LRP6: variants seen among roughly 807,000 people sequenced by gnomAD.
The protein encoded by LRP6 is low-density lipoprotein receptor-related protein 6.
A neutral mutation model predicts 184.1 loss-of-function variants in LRP6; 43 were observed. The ratio of observed to expected loss-of-function variants is 0.23; its 90% CI spans 0.18 to 0.30. The LOEUF is 0.30. Ranked by LOEUF, LRP6 falls within the 10% of genes least tolerant of loss-of-function variation. The pLI is 1.00. For missense variants in LRP6, 1,571 were observed against 2,005.3 expected, an observed-to-expected ratio of 0.78 and a Z score of 4.14; for synonymous variants, 719 against 684.9, an observed-to-expected ratio of 1.05 and a Z score of -0.78.
Position 12,148,984 on chromosome 12 carries a change from T to C in LRP6, c.3164A>G (p.Glu1055Gly). 6.2e-7 allele frequency: 1 copy of C among 1,613,932 alleles called. No individual in the cohort carries two copies. The highest frequency in any genetic ancestry group is 8.5e-7 in the Non-Finnish European group (1 of 1,179,972). Residue 1055 changes from glutamate to glycine, a missense_variant, in exon 14 of 23, where the codon GAG (glutamate) becomes GGG (glycine). Coordinates refer to ENST00000261349, the MANE Select transcript of LRP6 (RefSeq NM_002336.3). The stretch of plus-strand genomic sequence containing the variant: ...CACAACGGCTCGAGGTCTGTCCTGC[T>C]CGCCTTTCAGCACCACTCCAACTGA... Reference protein sequence around the residue: ...GRSVGVVLKGEQDRPRAVVVN... With the variant: ...GRSVGVVLKGGQDRPRAVVVN...
Position 12,164,309 on chromosome 12 carries a change from T to C in LRP6, c.2016A>G (p.Thr672=). 6.2e-7 allele frequency: 1 copy of C among 1,614,132 alleles called. No homozygotes were observed. The highest frequency in any genetic ancestry group is 8.5e-7 in the Non-Finnish European group (1 of 1,180,004). ...KEASALDFDV[T]DNRIYWTDIS... Reference sequence around the variant, plus strand: ...TATCAGTCCAATAAATTCGGTTGTCTGTCACATCAAAATCCAAAGCAGAAG... The same window carrying C: ...TATCAGTCCAATAAATTCGGTTGTCCGTCACATCAAAATCCAAAGCAGAAG... The change falls in exon 9 of 23, where the codon ACA becomes ACG. Residue 672 remains threonine, a synonymous_variant. Coordinates refer to ENST00000261349, the MANE Select transcript of LRP6 (RefSeq NM_002336.3).
chr12:12,192,971 G>A (rs1385401529), intron 3 of LRP6, among the ~76,000 whole-genome samples: 1 of 151,998 alleles, frequency 6.6e-6, no homozygotes, highest in African/African-American at 2.4e-5. Context: ...GACACCACAT[G>A]CTAGGAGACA....
chr12:12,212,416 T>C (rs1864236327), intron 2 of LRP6, among the ~76,000 whole-genome samples: 1 of 152,232 alleles, frequency 6.6e-6, no homozygotes, highest in South Asian at 2.1e-4. Flanking sequence ...GCCTGTCACA[T>C]AATATTTCTA....
chr12:12,122,809 G>A (rs1949622695), intron 22 of LRP6, among the ~76,000 whole-genome samples: 1 of 151,976 alleles, frequency 6.6e-6, no homozygotes, highest in African/African-American at 2.4e-5. Flanking sequence ...TCCAGCCTGG[G>A]TGACAGAGCA....
intron 4 of LRP6, among the ~76,000 whole-genome samples, chr12:12,184,341 GA>G (rs1409611205): frequency 6.6e-6 from 1 of 152,022 alleles, no homozygotes; most frequent in African/African-American, 2.4e-5. Context: ...TGCCCTAAAA[GA>G]GGTTACAATT....
chr12:12,229,564 T>C (rs765085042), intron 2 of LRP6, among the ~76,000 whole-genome samples: 63 of 152,320 alleles, frequency 4.1e-4, no homozygotes, highest in Non-Finnish European at 1.8e-4. Flanking sequence ...TGTTTTGTTT[T>C]TGTATTTAAT....
chr12:12,231,347 G>C (rs1864783409), intron 2 of LRP6, among the ~76,000 whole-genome samples: 1 of 152,110 alleles, frequency 6.6e-6, no homozygotes, highest in Non-Finnish European at 1.5e-5. Flanking sequence ...CCTGCACAAA[G>C]CATGGACTCT....
At chr12:12,136,172 G>T (rs1158687598) in intron 16 of LRP6, among the ~76,000 whole-genome samples, 1 of 152,018 alleles carries the variant, frequency 6.6e-6, no homozygotes, top group South Asian at 2.1e-4. Flanking sequence ...GGGCGGCAGA[G>T]CAAGACTCCA....
Position 12,120,813 on chromosome 12 carries a change from C to T in LRP6, c.*313G>A. ...GTGATGCCTTTATTATTCCTGTTTC[C>T]TTTGTACTCAGTTGCTTCACTGGGT... On this transcript the variant is annotated 3_prime_UTR_variant, in exon 23 of 23. Transcript: ENST00000261349. The T allele has an allele frequency of 5.1e-6, 1 of 197,606 alleles. No homozygotes were observed. The highest frequency in any genetic ancestry group is 1.0e-5 in the Non-Finnish European group (1 of 97,742). 12.2% of individuals were successfully genotyped at this position (197,606 alleles called of 1,614,324 possible).
At chr12:12,170,556 G>A (rs1038960190) in intron 7 of LRP6, among the ~76,000 whole-genome samples, 2 of 151,780 alleles carry the variant, frequency 1.3e-5, no homozygotes, top group African/African-American at 2.4e-5. Context: ...GTAATTAGTG[G>A]CTACATATTG....
chr12:12,209,701 A>C (rs1414898029), intron 2 of LRP6, among the ~76,000 whole-genome samples: 1 of 152,232 alleles, frequency 6.6e-6, no homozygotes, highest in Non-Finnish European at 1.5e-5. Context: ...AGTTACCAAT[A>C]TATTATTCAA....
At chr12:12,169,121 T>C (rs1478294171) in intron 7 of LRP6, among the ~76,000 whole-genome samples, 2 of 151,744 alleles carry the variant, frequency 1.3e-5, no homozygotes, top group Non-Finnish European at 2.9e-5. Flanking sequence ...CCCAGCTACT[T>C]GGGAGGGTGA....
Position 12,159,832 on chromosome 12 carries a change from C to T in LRP6, c.2412G>A (p.Arg804=), listed in dbSNP as rs1862696828. Residue 804 remains arginine, a synonymous_variant, in exon 11 of 23, where the codon AGG becomes AGA. Coordinates refer to ENST00000261349, the MANE Select transcript of LRP6 (RefSeq NM_002336.3). The stretch of plus-strand genomic sequence containing the variant: ...TGGTGTCCAGGTCTGTCCAATAAAG[C>T]CTCCTTTTAGCATAATCAATAGTTA... ...NGLTIDYAKR[R]LYWTDLDTNL... The T allele has an allele frequency of 1.2e-6, 2 of 1,614,084 alleles. No individual in the cohort carries two copies. Among genetic ancestry groups the T allele is most frequent in the South Asian group, 2.2e-5 (2 of 91,080 alleles).
chr12:12,233,233 C>A (rs1864837871), intron 2 of LRP6, among the ~76,000 whole-genome samples: 1 of 152,028 alleles, frequency 6.6e-6, no homozygotes. Context: ...TTTGGGAAGC[C>A]AAGGTGGGTG....
At chr12:12,137,714 T>C (rs995464718) in intron 16 of LRP6, among the ~76,000 whole-genome samples, 8 of 152,138 alleles carry the variant, frequency 5.3e-5, no homozygotes, top group Admixed American at 5.2e-4. Flanking sequence ...CCAAAGGAAC[T>C]GAAGGAGAGA....
At chr12:12,221,478 A>C (rs1279512591) in intron 2 of LRP6, among the ~76,000 whole-genome samples, 1 of 152,220 alleles carries the variant, frequency 6.6e-6, no homozygotes, top group Non-Finnish European at 1.5e-5. Context: ...CAGCATCAGC[A>C]ACATCATGAA....
At chr12:12,251,534 T>G (rs577168550) in intron 1 of LRP6, among the ~76,000 whole-genome samples, 7 of 151,786 alleles carry the variant, frequency 4.6e-5, no homozygotes, top group Admixed American at 3.3e-4. Flanking sequence ...CGGCTAATTT[T>G]TTTTGCATTT....
Position 12,135,182 on chromosome 12 carries a change from T to G in LRP6, c.3726A>C (p.Ser1242=), listed in dbSNP as rs1949816019. 1 of 1,613,810 alleles carries G rather than the reference T, an allele frequency of 6.2e-7. No homozygotes were observed. The highest frequency in any genetic ancestry group is 8.5e-7 in the Non-Finnish European group (1 of 1,179,862). ...MHLVLLQDEL[S]CGEPPTCSPQ... is the part of the protein sequence containing the mutation. The stretch of plus-strand genomic sequence containing the variant: ...AAATTACAACATATTTACCTCCACA[T>G]GATAGCTCATCTTGAAGTAGAACCA... The change falls in exon 17 of 23, where the codon TCA becomes TCC. Residue 1242 remains serine (S), a synonymous_variant. Coordinates refer to ENST00000261349, the MANE Select transcript of LRP6 (RefSeq NM_002336.3).
chr12:12,167,197 T>G (rs1458275594), intron 7 of LRP6, among the ~76,000 whole-genome samples: 1 of 152,300 alleles, frequency 6.6e-6, no homozygotes, highest in Admixed American at 6.5e-5. Flanking sequence ...TAAACATAAT[T>G]CTGCATCTTC....
Sources: allele counts gnomAD v4.1 joint callset (sites outside exome capture counted in the v4.1 genomes callset), GRCh38; gene constraint gnomAD v4.1.1; transcripts MANE v1.5; gene names NCBI Gene and HGNC (gene_info 2026-07-23, HGNC 2026-07-21).